Variants in CIT observed in about 807,000 individuals in gnomAD.
The protein encoded by CIT is citron Rho-interacting kinase.
CIT carries 79 observed loss-of-function variants against 272.7 expected under a neutral mutation model. That is an observed-to-expected ratio of 0.29 (90% CI 0.24 to 0.35). The LOEUF is 0.35. Ranked by LOEUF, CIT falls within the 10% of genes least tolerant of loss-of-function variation. The probability of loss-of-function intolerance (pLI) is 1.00; values close to 1 mark genes in which losing one functional copy is unlikely to be tolerated. For missense variants in CIT, 1,909 were observed against 2,618.3 expected (o/e 0.73, Z 5.91); for synonymous variants, 948 against 995.6 (o/e 0.95, Z 0.90).
chr12:119,694,469 A>C lies in CIT; in HGVS notation c.5882+3190T>G, dbSNP rs957640670. Among the ~76,000 whole-genome samples, 1 of 152,190 alleles carries C rather than the reference A, an allele frequency of 6.6e-6. No individual in the cohort carries two copies. Among genetic ancestry groups the C allele is most frequent in the Admixed American group, 6.5e-5 (1 of 15,276 alleles). On this transcript the variant is annotated intron_variant, in intron 46 of 47. Transcript: ENST00000392521. The surrounding 1 kb of genome is among the most constrained non-coding windows in gnomAD (Gnocchi z 4.5). ...ACGGAGCAATCGCCAAGACACATCAAGGTACAGGAGAGTATGCAGAATATG... is the reference window on the plus strand; with the variant it reads ...ACGGAGCAATCGCCAAGACACATCACGGTACAGGAGAGTATGCAGAATATG...
chr12:119,823,005 T>C, intron 8 of CIT, 32 bp from the exon 9 acceptor site: 1 of 1,572,990 alleles, frequency 6.4e-7, no homozygotes, highest in South Asian at 1.2e-5. Context: ...AATTATTTCC[T>C]TAGTAGGGAT....
Position 119,697,923 on chromosome 12 carries a change from C to T in CIT, c.5702+53G>A, listed in dbSNP as rs1211718356. On this transcript the variant is annotated intron_variant, in intron 45 of 47. Coordinates refer to ENST00000392521, the MANE Select transcript of CIT (RefSeq NM_001206999.2). This position sits in a 1 kb window ranked among gnomAD's most constrained non-coding sequence, Gnocchi z 4.9. ...TTAGGAAGGAACATGCGGCCGGCCC[C>T]AACACCTACCCCAATAGCTGAAGTT... is the stretch of plus-strand genomic sequence containing the variant. 2 of 1,613,106 alleles carry T rather than the reference C, an allele frequency of 1.2e-6. No individual in the cohort carries two copies. Among genetic ancestry groups the T allele is most frequent in the East Asian group, 2.2e-5 (1 of 44,874 alleles).
rs551710343 is a variant in CIT at position 119,705,960 on chromosome 12, C to T, written c.5212-1505G>A. On this transcript the variant is annotated intron_variant, in intron 40 of 47. Transcript: ENST00000392521. Reference sequence around the variant, plus strand: ...CAAAAATTGGCCTGCTGTGATGGTGCGTGCCTGTAGTCCCAGCTACTTGGG... The same window carrying T: ...CAAAAATTGGCCTGCTGTGATGGTGTGTGCCTGTAGTCCCAGCTACTTGGG... Among the ~76,000 whole-genome samples, 6 of 151,450 alleles carry T rather than the reference C, an allele frequency of 4.0e-5. No individual in the cohort carries two copies. The South Asian group carries it at 6.3e-4, about 16-fold the overall frequency.
At chr12:119,749,483 GC>G (rs1455771037) in intron 23 of CIT, among the ~76,000 whole-genome samples, 17 of 152,280 alleles carry the variant, frequency 1.1e-4, no homozygotes, top group Middle Eastern at 3.4e-3. Flanking sequence ...ACAAACACAT[GC>G]TGTCCATAAC....
chr12:119,717,838 C>CTTT lies in CIT; in HGVS notation c.4168+404_4168+406dup, dbSNP rs10699099. ...GGGGAGCCAGGAGACTGACTTCTTT[C>CTTT]TTTTTTTTTTTTTTTTTTTTGAGAT... On this transcript the variant is annotated intron_variant, in intron 32 of 47. Coordinates refer to ENST00000392521, the MANE Select transcript of CIT (RefSeq NM_001206999.2). 3.6e-3 allele frequency among the ~76,000 whole-genome samples: 289 copies of CTTT among 81,332 alleles called. 34 individuals carry two copies. Among genetic ancestry groups the CTTT allele is most frequent in the African/African-American group, 0.012 (242 of 20,202 alleles). 53.4% of individuals were successfully genotyped at this position (81,332 alleles called of 152,430 possible). A position where few individuals can be genotyped will look rare whatever the true frequency, so the allele number is the denominator to read the frequency against.
intron 3 of CIT, among the ~76,000 whole-genome samples, chr12:119,867,538 G>A (rs767748031): frequency 6.6e-6 from 1 of 152,128 alleles, no homozygotes; most frequent in Non-Finnish European, 1.5e-5. Context: ...TGGTTGCACA[G>A]CAATGTTGTA....
intron 13 of CIT, among the ~76,000 whole-genome samples, chr12:119,780,047 C>G (rs1009247883): frequency 2.4e-4 from 37 of 152,052 alleles, no homozygotes; most frequent in African/African-American, 8.2e-4. Context: ...GGTTTCAAGG[C>G]CCACCTAACG....
At chr12:119,776,898 AG>A in intron 13 of CIT, 56 bp from the exon 14 acceptor site, 1 of 1,561,980 alleles carries the variant, frequency 6.4e-7, no homozygotes, top group Non-Finnish European at 8.8e-7. Flanking sequence ...AAGAATAGAC[AG>A]GCAGTGAGGA....
chr12:119,799,687 C>A (rs894631696), intron 10 of CIT, among the ~76,000 whole-genome samples: 3 of 152,154 alleles, frequency 2.0e-5, no homozygotes, highest in African/African-American at 7.2e-5. Context: ...AGCATACAAC[C>A]AGCATGTTTA....
intron 5 of CIT, among the ~76,000 whole-genome samples, chr12:119,841,938 T>C (rs1469431591): frequency 6.6e-6 from 1 of 151,986 alleles, no homozygotes. Context: ...AGCTAATACA[T>C]CTCTACATGC....
chr12:119,746,002 T>G (rs1021308262), intron 23 of CIT, among the ~76,000 whole-genome samples: 28 of 152,224 alleles, frequency 1.8e-4, no homozygotes, highest in African/African-American at 6.0e-4. Flanking sequence ...GATTTATTCC[T>G]TTGTTAAGAT....
At chr12:119,836,024 C>G (rs1968975210) in intron 5 of CIT, among the ~76,000 whole-genome samples, 1 of 152,048 alleles carries the variant, frequency 6.6e-6, no homozygotes, top group Non-Finnish European at 1.5e-5. Flanking sequence ...CACAGTGGCT[C>G]ACACCTGTAA....
intron 22 of CIT, among the ~76,000 whole-genome samples, chr12:119,753,750 G>A (rs1960571824): frequency 1.3e-5 from 2 of 148,712 alleles, no homozygotes; most frequent in African/African-American, 2.5e-5. Context: ...AAAAAAAAAA[G>A]AAAAGAAAAA....
chr12:119,843,634 A>G (rs1969563106), intron 5 of CIT, among the ~76,000 whole-genome samples: 1 of 151,904 alleles, frequency 6.6e-6, no homozygotes, highest in Non-Finnish European at 1.5e-5. Flanking sequence ...ACATAGTGAA[A>G]CCCCGTCTCT....
chr12:119,873,297 T>TTTTTTTTTTTTTTTTTTTTTC, intron 2 of CIT, among the ~76,000 whole-genome samples: 1 of 148,868 alleles, frequency 6.7e-6, no homozygotes. Flanking sequence ...ATTTACAGGG[T>TTTTTTTTTTTTTTTTTTTTTC]CTTGCTCTGT....
Position 119,697,648 on chromosome 12 carries a change from A to G in CIT, c.5882+11T>C. 6.2e-7 allele frequency: 1 copy of G among 1,612,614 alleles called. No individual in the cohort carries two copies. Among genetic ancestry groups the G allele is most frequent in the East Asian group, 2.2e-5 (1 of 44,864 alleles). ...TGCCCCTGGTACTGAGGAAGAGGAG[A>G]AGCTGGTTACCTGCGGGAGGTGGAC... On this transcript the variant is annotated intron_variant, in intron 46 of 47. Coordinates refer to ENST00000392521, the MANE Select transcript of CIT (RefSeq NM_001206999.2). The surrounding 1 kb of genome is among the most constrained non-coding windows in gnomAD (Gnocchi z 4.9).
Position 119,700,819 on chromosome 12 carries a change from C to G in CIT, c.5549G>C (p.Gly1850Ala). Reference protein sequence around the residue: ...EEYLLCFHEFGVFVDSYGRRS... With the variant: ...EEYLLCFHEFAVFVDSYGRRS... ...TCTTCCGTAAGAATCCACGAACACTCCAAATTCTGCAAGGTGTCAAGAGCA... is the reference window on the plus strand; with the variant it reads ...TCTTCCGTAAGAATCCACGAACACTGCAAATTCTGCAAGGTGTCAAGAGCA... The change falls in exon 44 of 48, where the codon GGA (glycine) becomes GCA (alanine). Residue 1850 changes from glycine to alanine, a missense_variant. By Grantham distance (60) the Gly-to-Ala change is moderately conservative. Transcript: ENST00000392521. 1.2e-6 allele frequency: 2 copies of G among 1,613,736 alleles called. No individual in the cohort carries two copies. The highest frequency in any genetic ancestry group is 1.7e-6 in the Non-Finnish European group (2 of 1,179,840).
chr12:119,758,604 TA>T lies in CIT; in HGVS notation c.2517del (p.Phe839LeufsTer6). On this transcript the variant is annotated frameshift_variant, in exon 21 of 48. Coordinates refer to ENST00000392521, the MANE Select transcript of CIT (RefSeq NM_001206999.2). LOFTEE classifies it high-confidence loss of function. ...TTGAATACTTACATGTTCCTTTGGG[TA>T]AAAAGACTGCTATTTGCTGCAAGTT... ...ANKLAANSSL[F>X]TQRNMKAQEE... 6.2e-7 allele frequency: 1 copy of T among 1,608,858 alleles called. No individual in the cohort carries two copies. The highest frequency in any genetic ancestry group is 8.5e-7 in the Non-Finnish European group (1 of 1,175,204).
At chr12:119,743,664 T>TA (rs1240156758) in intron 23 of CIT, among the ~76,000 whole-genome samples, 3 of 152,246 alleles carry the variant, frequency 2.0e-5, no homozygotes, top group African/African-American at 7.2e-5. Flanking sequence ...CTTTCCATGG[T>TA]AAAACCTAAT....
Sources: gnomAD v4.1 joint callset for allele counts (sites outside exome capture counted in the v4.1 genomes callset) on GRCh38, gnomAD v4.1.1 for gene constraint, Gnocchi (gnomAD v3.1) non-coding constraint, MANE v1.5 for transcripts, NCBI Gene and HGNC (gene_info 2026-07-23, HGNC 2026-07-21) for gene names.